Variants in RADIL observed in about 807,000 individuals in gnomAD.
RADIL encodes Rap associating with DIL domain, also known as ras-associating and dilute domain-containing protein.
RADIL carries 99 observed loss-of-function variants against 97.6 expected under a neutral mutation model. The observed-to-expected ratio is 1.01, with a 90% CI of 0.86 to 1.20. The LOEUF (loss-of-function observed/expected upper bound fraction) is 1.20. Ranked by LOEUF, RADIL falls within the 50% of genes most tolerant of loss-of-function variation. The pLI is 0.00. For synonymous variants in RADIL, 803 were observed against 691.8 expected (o/e 1.16, Z -2.52); for missense variants, 1,765 against 1,498.9 (o/e 1.18, Z -2.93).
At position 4,813,814 on chromosome 7, in the gene RADIL, C is replaced by CCA. The variant is rs1772441414; in HGVS notation, c.2139+1462_2139+1463dup. ...TGCTCCATCCAAGCCTCAGTGCTTG[C>CCA]CACAATGTCTATCAACTGTTCTTCT... On this transcript the variant is annotated intron_variant, in intron 9 of 14. Transcript: ENST00000399583. The surrounding 1 kb of genome is among the most constrained non-coding windows in gnomAD (Gnocchi z 5.0). 6.6e-6 allele frequency among the ~76,000 whole-genome samples: 1 copy of CCA among 152,202 alleles called. No homozygotes were observed. Among genetic ancestry groups the CCA allele is most frequent in the Admixed American group, 6.5e-5 (1 of 15,284 alleles).
At chr7:4,832,735 T>G (rs1783181708) in intron 4 of RADIL, among the ~76,000 whole-genome samples, 2 of 121,442 alleles carry the variant, frequency 1.6e-5, no homozygotes, top group African/African-American at 3.3e-5. Flanking sequence ...CGAGACTCCG[T>G]CTCAGCAAAA....
chr7:4,869,341 T>G (rs1784201880), intron 2 of RADIL, among the ~76,000 whole-genome samples: 1 of 152,128 alleles, frequency 6.6e-6, no homozygotes, highest in African/African-American at 2.4e-5. Flanking sequence ...ATTATGTTGC[T>G]CGGGCTGGGC....
chr7:4,856,027 T>C lies in RADIL; in HGVS notation c.536-19422A>G, dbSNP rs149002433. On this transcript the variant is annotated intron_variant, in intron 2 of 14. Coordinates refer to ENST00000399583, the MANE Select transcript of RADIL (RefSeq NM_018059.5). ...TTTCACCACATTGGCCAGGCTGGAA[T>C]CAAACTCCTGGCCTCAAGTGATCCG... is the stretch of plus-strand genomic sequence containing the variant. Among the ~76,000 whole-genome samples, 623 of 152,096 alleles carry C rather than the reference T, an allele frequency of 4.1e-3. 4 individuals carry two copies. The highest frequency in any genetic ancestry group is 0.014 in the African/African-American group (574 of 41,492).
intron 2 of RADIL, among the ~76,000 whole-genome samples, chr7:4,838,349 C>T (rs1294957445): frequency 2.0e-5 from 3 of 152,218 alleles, no homozygotes; most frequent in African/African-American, 7.2e-5. Context: ...CTCCCAAATC[C>T]AGGGCCAGGT....
At chr7:4,853,975 C>T (rs931607781) in intron 2 of RADIL, among the ~76,000 whole-genome samples, 2 of 152,122 alleles carry the variant, frequency 1.3e-5, no homozygotes, top group African/African-American at 2.4e-5. Flanking sequence ...CATGTGACTA[C>T]GGTGCAGTCA....
At position 4,883,105 on chromosome 7, in the gene RADIL, G is replaced by A. The variant is rs1339693070; in HGVS notation, c.-65+491C>T. On this transcript the variant is annotated intron_variant, in intron 1 of 14. Transcript: ENST00000399583. This position sits in a 1 kb window ranked among gnomAD's most constrained non-coding sequence, Gnocchi z 7.1. ...ACGAGTGGGGATCGGGCTGCAACCGGGACGGGGTATGTGCAGGGGACGTCT... is the reference window on the plus strand; with the variant it reads ...ACGAGTGGGGATCGGGCTGCAACCGAGACGGGGTATGTGCAGGGGACGTCT... Among the ~76,000 whole-genome samples, 1 of 152,226 alleles carries A rather than the reference G, an allele frequency of 6.6e-6. No individual in the cohort carries two copies. The highest frequency in any genetic ancestry group is 1.5e-5 in the Non-Finnish European group (1 of 68,026).
In RADIL at chr7:4,799,712, CG is replaced by C; in HGVS notation, c.3039del (p.Ala1014GlnfsTer16). 3.2e-6 allele frequency: 5 copies of C among 1,566,976 alleles called. No individual in the cohort carries two copies. The highest frequency in any genetic ancestry group is 4.3e-6 in the Non-Finnish European group (5 of 1,158,786). ...LYIQTLLPGS[P>X]AAADGRLSLG... ...AGCGACAGGCGCCCGTCGGCCGCTG[CG>C]GGGCTGCCCGGGAGCAGGGTCTGGA... On this transcript the variant is annotated frameshift_variant, in exon 14 of 15. Coordinates refer to ENST00000399583, the MANE Select transcript of RADIL (RefSeq NM_018059.5). LOFTEE classifies it high-confidence loss of function.
At chr7:4,861,689 T>C (rs372346054) in intron 2 of RADIL, 14 of 1,585,142 alleles carry the variant, frequency 8.8e-6, no homozygotes, top group Non-Finnish European at 1.2e-5. Context: ...TATTAGCCTC[T>C]GGGTGAGGAG....
At chr7:4,874,848 C>G (rs111861153) in intron 2 of RADIL, among the ~76,000 whole-genome samples, 2 of 136,158 alleles carry the variant, frequency 1.5e-5, no homozygotes, top group East Asian at 3.9e-4. Context: ...ACCTGAGGTC[C>G]GGAGTTCGAG....
rs1376546721 is a variant in RADIL at position 4,851,061 on chromosome 7, C to A, written c.536-14456G>T. 2.0e-5 allele frequency among the ~76,000 whole-genome samples: 3 copies of A among 151,750 alleles called. No homozygotes were observed. In the East Asian group the frequency reaches 5.8e-4, roughly 29 times the overall value. On this transcript the variant is annotated intron_variant, in intron 2 of 14. Transcript: ENST00000399583. ...TACTAAAAATGCAAGAAAAAGTAGCCGGGCATGGTGGCACACACCCGTAAT... is the reference window on the plus strand; with the variant it reads ...TACTAAAAATGCAAGAAAAAGTAGCAGGGCATGGTGGCACACACCCGTAAT...
chr7:4,799,105 T>C lies in RADIL; in HGVS notation c.*273A>G, dbSNP rs546522425. The C allele has an allele frequency of 4.5e-6, 2 of 440,520 alleles. No individual in the cohort carries two copies. Among genetic ancestry groups the C allele is most frequent in the South Asian group, 4.7e-5 (2 of 42,652 alleles). 27.3% of individuals were successfully genotyped at this position (440,520 alleles called of 1,614,324 possible). A position where few individuals can be genotyped will look rare whatever the true frequency, so the allele number is the denominator to read the frequency against. ...GTTGAGACCCCAGCAGGGCACCCTC[T>C]AAGAACGGGAAAAATAGTTTATTGA... On this transcript the variant is annotated 3_prime_UTR_variant, in exon 15 of 15. Transcript: ENST00000399583.
At chr7:4,859,638 A>T (rs1783923399) in intron 2 of RADIL, 4 of 436,460 alleles carry the variant, frequency 9.2e-6, no homozygotes, top group African/African-American at 2.0e-5. Context: ...GTTGGCAGAT[A>T]TTGTTCATGG....
chr7:4,805,503 C>A, intron 10 of RADIL, 63 bp downstream of exon 10: 1 of 1,486,552 alleles, frequency 6.7e-7, no homozygotes, highest in Non-Finnish European at 9.0e-7. Context: ...CATGCTGCCT[C>A]CAGCCTCGGG....
chr7:4,832,090 C>G, intron 5 of RADIL, 51 bp downstream of exon 5: 1 of 1,596,012 alleles, frequency 6.3e-7, no homozygotes, highest in Non-Finnish European at 8.6e-7. Context: ...GAAGTGTGAG[C>G]CCCCAGGACC....
chr7:4,808,147 G>A (rs542761716), intron 9 of RADIL, among the ~76,000 whole-genome samples: 6 of 74,632 alleles, frequency 8.0e-5, no homozygotes, highest in South Asian at 5.8e-4. Flanking sequence ...TCTCTCCCCC[G>A]TCCTTCTCTC....
At chr7:4,827,607 G>A (rs932210782) in intron 5 of RADIL, among the ~76,000 whole-genome samples, 12 of 152,214 alleles carry the variant, frequency 7.9e-5, no homozygotes, top group African/African-American at 2.9e-4. Flanking sequence ...GTTGCAGTGA[G>A]CCGAGATCGT....
At chr7:4,858,285 G>A (rs781521587) in intron 2 of RADIL, 1 of 152,142 alleles carries the variant, frequency 6.6e-6, no homozygotes, top group South Asian at 2.1e-4. Flanking sequence ...GGGACGGGAG[G>A]GGTTAAAGCA....
At chr7:4,868,719 A>G (rs1374059058) in intron 2 of RADIL, among the ~76,000 whole-genome samples, 3 of 152,246 alleles carry the variant, frequency 2.0e-5, no homozygotes, top group African/African-American at 7.2e-5. Context: ...CTTCTAGTAT[A>G]TCACCTATCT....
chr7:4,827,382 G>C (rs372189652), intron 5 of RADIL, among the ~76,000 whole-genome samples: 1 of 145,134 alleles, frequency 6.9e-6, no homozygotes. Flanking sequence ...AAAAAGGGCC[G>C]GGTGCGGTGG....
Sources: allele counts gnomAD v4.1 joint callset (sites outside exome capture counted in the v4.1 genomes callset), GRCh38; gene constraint gnomAD v4.1.1; non-coding constraint Gnocchi (gnomAD v3.1); transcripts MANE v1.5; gene names NCBI Gene and HGNC (gene_info 2026-07-23, HGNC 2026-07-21).